The following NKAIN2 variants were observed in gnomAD, a reference collection of about 807,000 sequenced individuals.
NKAIN2 encodes sodium/potassium-transporting ATPase subunit beta-1-interacting protein 2.
In NKAIN2, 14 loss-of-function variants were observed where a neutral mutation model predicts 32.6. The observed-to-expected ratio is 0.43, with a 90% CI of 0.28 to 0.67. The LOEUF is 0.67. Among genes scored for constraint, NKAIN2 ranks in the 30% least tolerant of loss-of-function variants. NKAIN2 has a pLI of 0.17. For synonymous variants in NKAIN2, 80 were observed against 87.2 expected (o/e 0.92, Z 0.46); for missense variants, 198 against 258.3 (o/e 0.77, Z 1.60).
At chr6:123,907,115 G>A (rs1652763073) in intron 1 of NKAIN2, among the ~76,000 whole-genome samples, 1 of 152,186 alleles carries the variant, frequency 6.6e-6, no homozygotes, top group East Asian at 1.9e-4. Flanking sequence ...GCCCTTATCT[G>A]GGGTTTTATT....
chr6:123,995,281 G>A (rs1311077591), intron 1 of NKAIN2, among the ~76,000 whole-genome samples: 3 of 152,152 alleles, frequency 2.0e-5, no homozygotes, highest in Non-Finnish European at 4.4e-5. Context: ...TGACAAGGCA[G>A]TTCTAGGAAA....
intron 3 of NKAIN2, among the ~76,000 whole-genome samples, chr6:124,419,689 T>G (rs898767662): frequency 6.6e-6 from 1 of 152,288 alleles, no homozygotes; most frequent in African/African-American, 2.4e-5. Flanking sequence ...GATAATATTT[T>G]ATTGCAAATA....
intron 1 of NKAIN2, among the ~76,000 whole-genome samples, chr6:123,938,590 T>G (rs1776669340): frequency 7.1e-6 from 1 of 140,918 alleles, no homozygotes; most frequent in Non-Finnish European, 1.5e-5. Context: ...TATATAGTTT[T>G]TATATATTAT....
Position 123,864,741 on chromosome 6 carries a change from A to G in NKAIN2, c.54+60487A>G, listed in dbSNP as rs116784050. On this transcript the variant is annotated intron_variant, in intron 1 of 6. Transcript: ENST00000368417. ...TGGCTAAGTTAAAATTTTAAAATAT[A>G]TTAAGAATAAAAATTCAATAAATTG... 5.6e-3 allele frequency among the ~76,000 whole-genome samples: 847 copies of G among 152,312 alleles called. 9 individuals are homozygous for G. Among genetic ancestry groups the G allele is most frequent in the African/African-American group, 0.019 (797 of 41,564 alleles).
intron 3 of NKAIN2, among the ~76,000 whole-genome samples, chr6:124,590,627 G>C (rs1025784843): frequency 3.3e-5 from 5 of 152,200 alleles, no homozygotes; most frequent in African/African-American, 1.2e-4. Flanking sequence ...GCATTTCCAG[G>C]TGAGTAGGAG....
At chr6:124,319,428 A>G (rs191380636) in intron 2 of NKAIN2, among the ~76,000 whole-genome samples, 1 of 152,228 alleles carries the variant, frequency 6.6e-6, no homozygotes, top group African/African-American at 2.4e-5. Context: ...GCATTCAGTA[A>G]CAGAGCATTT....
intron 3 of NKAIN2, among the ~76,000 whole-genome samples, chr6:124,393,550 A>G (rs1254470012): frequency 6.6e-6 from 1 of 152,176 alleles, no homozygotes; most frequent in Admixed American, 6.5e-5. Flanking sequence ...ATAATAGAGC[A>G]TTGCTGAAAT....
At chr6:124,697,535 C>T (rs1488511542) in intron 4 of NKAIN2, among the ~76,000 whole-genome samples, 1 of 152,072 alleles carries the variant, frequency 6.6e-6, no homozygotes, top group African/African-American at 2.4e-5. Flanking sequence ...AAATGATAAA[C>T]ATTATGACAA....
rs558479420 is a variant in NKAIN2 at position 123,964,686 on chromosome 6, C to T, written c.54+160432C>T. Among the ~76,000 whole-genome samples the T allele has an allele frequency of 4.6e-4, 70 of 152,286 alleles. No homozygotes were observed. The highest frequency in any genetic ancestry group is 1.7e-3 in the African/African-American group (69 of 41,572). On this transcript the variant is annotated intron_variant, in intron 1 of 6. Coordinates refer to ENST00000368417, the MANE Select transcript of NKAIN2 (RefSeq NM_001040214.3). This position sits in a 1 kb window ranked among gnomAD's most constrained non-coding sequence, Gnocchi z 4.0. ...AGTGTTGCCCAGCCACTTTCCTGTA[C>T]TCACATTCACCCAGCATCTATCTAG...
At chr6:124,154,813 G>C (rs558782091) in intron 1 of NKAIN2, among the ~76,000 whole-genome samples, 2 of 151,962 alleles carry the variant, frequency 1.3e-5, no homozygotes, top group African/African-American at 4.8e-5. Flanking sequence ...ATATTTGTCA[G>C]ATAACAATAT....
chr6:123,816,059 G>A (rs992479900), intron 1 of NKAIN2, among the ~76,000 whole-genome samples: 4 of 152,120 alleles, frequency 2.6e-5, no homozygotes, highest in East Asian at 1.9e-4. Flanking sequence ...ACTAGTATAC[G>A]ATAGGGAGGA....
At chr6:124,216,073 G>A (rs1791462916) in intron 1 of NKAIN2, among the ~76,000 whole-genome samples, 1 of 145,256 alleles carries the variant, frequency 6.9e-6, no homozygotes, top group Non-Finnish European at 1.5e-5. Flanking sequence ...AGCCGAGATC[G>A]CACCACTGTA....
chr6:124,051,869 G>A (rs1582540322), intron 1 of NKAIN2, among the ~76,000 whole-genome samples: 3 of 151,978 alleles, frequency 2.0e-5, no homozygotes, highest in African/African-American at 4.8e-5. Context: ...GCTTCTTATC[G>A]GTTTCAAGAA....
At chr6:124,745,531 C>T (rs1310568030) in intron 4 of NKAIN2, among the ~76,000 whole-genome samples, 2 of 151,716 alleles carry the variant, frequency 1.3e-5, no homozygotes, top group African/African-American at 4.8e-5. Flanking sequence ...TTTTTCTAAA[C>T]AAAAATTATT....
chr6:123,978,330 C>A (rs1417443544), intron 1 of NKAIN2, among the ~76,000 whole-genome samples: 8 of 152,100 alleles, frequency 5.3e-5, no homozygotes, highest in Non-Finnish European at 1.2e-4. Flanking sequence ...CTGTGTGTAC[C>A]ACTTTCCCTT....
intron 5 of NKAIN2, among the ~76,000 whole-genome samples, chr6:124,804,826 G>A (rs985408534): frequency 1.6e-4 from 25 of 152,288 alleles, no homozygotes; most frequent in Non-Finnish European, 2.4e-4. Flanking sequence ...AAAAAATGGC[G>A]CACCAGGAGA....
At chr6:124,344,398 A>G (rs1562501894) in intron 2 of NKAIN2, among the ~76,000 whole-genome samples, 1 of 151,818 alleles carries the variant, frequency 6.6e-6, no homozygotes, top group Non-Finnish European at 1.5e-5. Context: ...TGGGGATGGC[A>G]TTGAATCTAT....
chr6:124,647,882 T>A (rs1315896576), intron 3 of NKAIN2, among the ~76,000 whole-genome samples: 1 of 152,124 alleles, frequency 6.6e-6, no homozygotes, highest in Non-Finnish European at 1.5e-5. Context: ...CTTAAGAAAC[T>A]AGTGACTAAC....
intron 3 of NKAIN2, among the ~76,000 whole-genome samples, chr6:124,362,118 T>C (rs755422994): frequency 6.6e-6 from 1 of 152,102 alleles, no homozygotes; most frequent in Non-Finnish European, 1.5e-5. Flanking sequence ...ATAATTGATT[T>C]AAGACAAAAT....
Sources: gnomAD v4.1 joint callset for allele counts (sites outside exome capture counted in the v4.1 genomes callset) on GRCh38, gnomAD v4.1.1 for gene constraint, Gnocchi (gnomAD v3.1) non-coding constraint, MANE v1.5 for transcripts, NCBI Gene and HGNC (gene_info 2026-07-23, HGNC 2026-07-21) for gene names.